Variants in RSU1 observed in about 807,000 individuals in gnomAD.
RSU1 encodes Ras suppressor protein 1, also known as rsu-1.
Under a neutral mutation model 31.1 loss-of-function variants are expected in RSU1, and 26 were observed. The observed-to-expected ratio is 0.84, with a 90% CI of 0.61 to 1.16. The LOEUF (loss-of-function observed/expected upper bound fraction) is 1.16. Ranked by LOEUF, RSU1 falls within the 50% of genes most tolerant of loss-of-function variation. The pLI, the probability that RSU1 is intolerant of heterozygous loss-of-function variation, is 0.00. For synonymous variants in RSU1, 164 were observed against 136.3 expected, an observed-to-expected ratio of 1.20 and a Z score of -1.41; for missense variants, 320 against 339.1, an observed-to-expected ratio of 0.94 and a Z score of 0.44.
chr10:16,594,790 T>TATA (rs199754636), intron 8 of RSU1, among the ~76,000 whole-genome samples: 5 of 124,912 alleles, frequency 4.0e-5, no homozygotes, highest in South Asian at 2.3e-4. Flanking sequence ...TATATATATA[T>TATA]TTTTTTTTTT....
chr10:16,785,435 TATATACAC>T lies in RSU1; in HGVS notation c.110-3359_110-3352del, dbSNP rs1837760886. ...ATATATATACATATATACATATATA[TATATACAC>T]ATATATACATATATACATATATATA... On this transcript the variant is annotated intron_variant, in intron 2 of 8. Coordinates refer to ENST00000345264, the MANE Select transcript of RSU1 (RefSeq NM_012425.4). 2.8e-5 allele frequency among the ~76,000 whole-genome samples: 4 copies of T among 140,548 alleles called. No homozygotes were observed. In the South Asian group the frequency reaches 8.6e-4, roughly 30 times the overall value. 92.2% of individuals were successfully genotyped at this position (140,548 alleles called of 152,430 possible). A position where few individuals can be genotyped will look rare whatever the true frequency, so the allele number is the denominator to read the frequency against.
intron 8 of RSU1, among the ~76,000 whole-genome samples, chr10:16,656,578 G>A (rs1046413108): frequency 5.9e-5 from 9 of 152,206 alleles, no homozygotes; most frequent in Admixed American, 2.0e-4. Flanking sequence ...TAAAATCAAT[G>A]TATTTAAACA....
chr10:16,627,646 A>C (rs1198210365), intron 8 of RSU1, among the ~76,000 whole-genome samples: 1 of 151,720 alleles, frequency 6.6e-6, no homozygotes, highest in Non-Finnish European at 1.5e-5. Flanking sequence ...AATCCCAGCT[A>C]CTCAGGAGGC....
intron 4 of RSU1, among the ~76,000 whole-genome samples, chr10:16,763,251 G>A (rs1447470060): frequency 5.9e-5 from 9 of 152,282 alleles, no homozygotes; most frequent in Admixed American, 1.3e-4. Context: ...ATAAAGGAAT[G>A]CCTGAGGCTG....
chr10:16,693,122 C>A (rs929269301), intron 8 of RSU1, among the ~76,000 whole-genome samples: 7 of 152,284 alleles, frequency 4.6e-5, no homozygotes, highest in Admixed American at 6.5e-5. Flanking sequence ...CTCCACCATG[C>A]CCAGCTAATT....
rs919872956 is a variant in RSU1, at chr10:16,591,742, T to G, written c.*1652A>C. The G allele has an allele frequency of 6.6e-6, 1 of 152,316 alleles. No individual in the cohort carries two copies. The highest frequency in any genetic ancestry group is 1.9e-4 in the East Asian group (1 of 5,178). 9.4% of individuals were successfully genotyped at this position (152,316 alleles called of 1,614,324 possible). A position where few individuals can be genotyped will look rare whatever the true frequency, so the allele number is the denominator to read the frequency against. On this transcript the variant is annotated 3_prime_UTR_variant, in exon 9 of 9. Coordinates refer to ENST00000345264, the MANE Select transcript of RSU1 (RefSeq NM_012425.4). ...ATAAGAGCCCTTCATATTGTTAGAT[T>G]TTTACTAATGCTTTCTTGCTGGTTT...
rs143341798 is a variant in RSU1, at chr10:16,627,815, T to G, written c.732-34319A>C. ...CCGAATTATGGTACTGACTGCGGAGTCCAGCACATATAGAAGCAACTGCCT... is the reference window on the plus strand; with the variant it reads ...CCGAATTATGGTACTGACTGCGGAGGCCAGCACATATAGAAGCAACTGCCT... On this transcript the variant is annotated intron_variant, in intron 8 of 8. Transcript: ENST00000345264. Among the ~76,000 whole-genome samples, 13 of 146,822 alleles carry G rather than the reference T, an allele frequency of 8.9e-5. No individual in the cohort carries two copies. The East Asian group carries it at 2.6e-3, about 29-fold the overall frequency.
At chr10:16,739,079 T>C (rs1836696598) in intron 7 of RSU1, among the ~76,000 whole-genome samples, 1 of 152,192 alleles carries the variant, frequency 6.6e-6, no homozygotes, top group Admixed American at 6.5e-5. Flanking sequence ...CCATGGTGTA[T>C]ATGGACCACA....
chr10:16,774,737 C>G (rs1837493509), intron 3 of RSU1, among the ~76,000 whole-genome samples: 1 of 152,222 alleles, frequency 6.6e-6, no homozygotes, highest in South Asian at 2.1e-4. Context: ...TTACAACCAT[C>G]ACGTGCACTT....
chr10:16,772,925 G>A (rs1837451975), intron 3 of RSU1, among the ~76,000 whole-genome samples: 2 of 152,208 alleles, frequency 1.3e-5, no homozygotes, highest in South Asian at 2.1e-4. Flanking sequence ...AATTAATCTA[G>A]GCTGGGAGCA....
intron 7 of RSU1, among the ~76,000 whole-genome samples, chr10:16,722,417 T>C (rs1224349854): frequency 6.6e-6 from 1 of 152,248 alleles, no homozygotes; most frequent in Middle Eastern, 3.4e-3. Context: ...AGCTGGTGGA[T>C]GTATGAATGG....
intron 8 of RSU1, among the ~76,000 whole-genome samples, chr10:16,688,227 T>A (rs1054205782): frequency 6.6e-6 from 1 of 152,174 alleles, no homozygotes; most frequent in Non-Finnish European, 1.5e-5. Flanking sequence ...AAATGCAACA[T>A]ATTTTCTTGC....
At chr10:16,637,864 G>C (rs77593536) in intron 8 of RSU1, among the ~76,000 whole-genome samples, 3,212 of 152,034 alleles carry the variant, frequency 0.021, 107 homozygotes, top group African/African-American at 0.068. Context: ...AGGAGAGTTG[G>C]ATAGGAAGAA....
intron 8 of RSU1, among the ~76,000 whole-genome samples, chr10:16,631,473 C>T (rs945570110): frequency 6.6e-6 from 1 of 152,156 alleles, no homozygotes; most frequent in Admixed American, 6.5e-5. Context: ...GTGACTTTTA[C>T]CATGGGGGAA....
intron 7 of RSU1, among the ~76,000 whole-genome samples, chr10:16,730,190 A>C (rs1836479722): frequency 6.6e-6 from 1 of 152,102 alleles, no homozygotes; most frequent in African/African-American, 2.4e-5. Flanking sequence ...GCAAGACCTC[A>C]CTGGTTACCA....
At chr10:16,648,711 T>G (rs1342086639) in intron 8 of RSU1, among the ~76,000 whole-genome samples, 1 of 152,176 alleles carries the variant, frequency 6.6e-6, no homozygotes, top group Non-Finnish European at 1.5e-5. Context: ...ACCTGGACTA[T>G]ATTCAGAAGA....
chr10:16,593,435 T>G lies in RSU1; in HGVS notation c.793A>C (p.Lys265Gln). Residue 265 changes from lysine to glutamine, a missense_variant, in exon 9 of 9, where the codon AAA (lysine) becomes CAA (glutamine). Transcript: ENST00000345264. ...EPPKKNNDKS[K>Q]KISRKPLAAK... The stretch of plus-strand genomic sequence containing the variant: ...GCCAGGGGTTTCCGGCTGATCTTTT[T>G]CGATTTGTCATTATTCTTCTTCGGT... 6.2e-7 allele frequency: 1 copy of G among 1,614,148 alleles called. No homozygotes were observed. The highest frequency in any genetic ancestry group is 2.2e-5 in the East Asian group (1 of 44,890).
intron 8 of RSU1, among the ~76,000 whole-genome samples, chr10:16,628,656 C>G (rs1588682432): frequency 1.3e-5 from 2 of 152,260 alleles, no homozygotes; most frequent in Non-Finnish European, 2.9e-5. Context: ...TTATATGACA[C>G]ATACGATTTT....
At chr10:16,736,101 G>A (rs889849040) in intron 7 of RSU1, among the ~76,000 whole-genome samples, 3 of 152,152 alleles carry the variant, frequency 2.0e-5, no homozygotes, top group Non-Finnish European at 4.4e-5. Context: ...GAATTTGTGG[G>A]GCAAGGAGGG....
Sources: allele counts gnomAD v4.1 joint callset (sites outside exome capture counted in the v4.1 genomes callset), GRCh38; gene constraint gnomAD v4.1.1; transcripts MANE v1.5; gene names NCBI Gene and HGNC (gene_info 2026-07-23, HGNC 2026-07-21).